GREB1L: variants seen among roughly 807,000 people sequenced by gnomAD.
GREB1L encodes the protein GREB1 like retinoic acid receptor coactivator, also known as GREB1-like protein.
In GREB1L, 17 loss-of-function variants were observed where a neutral mutation model predicts 200.8. That is an observed-to-expected ratio of 0.08 (90% CI 0.06 to 0.13). GREB1L has a LOEUF of 0.13. GREB1L is among the 10% of genes least tolerant of loss of function. The pLI is 1.00. For synonymous variants in GREB1L, 789 were observed against 893.0 expected (o/e 0.88, Z 2.08); for missense variants, 1,657 against 2,367.7 (o/e 0.70, Z 6.23).
Position 21,483,161 on chromosome 18 carries a change from C to T in GREB1L, c.2557-2459C>T, listed in dbSNP as rs375864344. On this transcript the variant is annotated intron_variant, in intron 17 of 32. Coordinates refer to ENST00000424526, the MANE Select transcript of GREB1L (RefSeq NM_001142966.3). Reference sequence around the variant, plus strand: ...AAGAAGAAAGAGAGAGAAATAAAAACGAGGACAGGTGGATGCAAGGCGGAT... The same window carrying T: ...AAGAAGAAAGAGAGAGAAATAAAAATGAGGACAGGTGGATGCAAGGCGGAT... Among the ~76,000 whole-genome samples, 30 of 152,258 alleles carry T rather than the reference C, an allele frequency of 2.0e-4. No homozygotes were observed. In the Middle Eastern group the frequency reaches 0.024, roughly 121 times the overall value.
intron 1 of GREB1L, among the ~76,000 whole-genome samples, chr18:21,308,848 C>A (rs1449660961): frequency 1.3e-5 from 2 of 152,190 alleles, no homozygotes; most frequent in Non-Finnish European, 2.9e-5. Flanking sequence ...AAGCAGAAAT[C>A]ATCAGCTTGT....
intron 7 of GREB1L, among the ~76,000 whole-genome samples, chr18:21,408,450 T>G (rs2030546445): frequency 6.6e-6 from 1 of 152,150 alleles, no homozygotes; most frequent in Non-Finnish European, 1.5e-5. Flanking sequence ...AAATGGCTAA[T>G]AAGCACATGA....
intron 17 of GREB1L, among the ~76,000 whole-genome samples, chr18:21,483,957 C>T (rs1012197290): frequency 2.9e-5 from 4 of 137,382 alleles, no homozygotes; most frequent in Non-Finnish European, 6.0e-5. Context: ...GCCTGGGTGA[C>T]AGAGTGAGAC....
chr18:21,420,173 C>T (rs189779566), intron 7 of GREB1L, among the ~76,000 whole-genome samples: 1 of 152,162 alleles, frequency 6.6e-6, no homozygotes. Context: ...GAGTTTGACA[C>T]CAGCCTAGCC....
intron 1 of GREB1L, among the ~76,000 whole-genome samples, chr18:21,343,730 A>ATT (rs36120644): frequency 0.015 from 1,737 of 114,842 alleles, 44 homozygotes; most frequent in Non-Finnish European, 0.022. Flanking sequence ...GAGAAGAGAG[A>ATT]TTTTTTTTTT....
chr18:21,456,823 T>G (rs1406256050), intron 15 of GREB1L, among the ~76,000 whole-genome samples: 1 of 152,210 alleles, frequency 6.6e-6, no homozygotes, highest in Non-Finnish European at 1.5e-5. Flanking sequence ...TTCCTGCCCC[T>G]TCTCCAGTAT....
At position 21,508,266 on chromosome 18, in the gene GREB1L, T is replaced by C. The variant is rs1232358300; in HGVS notation, c.4517T>C (p.Leu1506Pro). 6.4e-7 allele frequency: 1 copy of C among 1,551,722 alleles called. No homozygotes were observed. Among genetic ancestry groups the C allele is most frequent in the Non-Finnish European group, 8.7e-7 (1 of 1,147,038 alleles). The change falls in exon 26 of 33, where the codon CTG becomes CCG. Residue 1506 changes from leucine (L) to proline (P), a missense_variant. This residue lies in a region of GREB1L where 151 missense variants were observed against 309.6 expected (regional missense o/e 0.49). Coordinates refer to ENST00000424526, the MANE Select transcript of GREB1L (RefSeq NM_001142966.3). ...GKHLESMRLP[L>P]VSDKNLNAVK... is the part of the protein sequence containing the mutation. Reference sequence around the variant, plus strand: ...CACCTGGAGAGCATGCGGCTGCCCCTGGTTTCAGACAAGGTGGGTGAGAGC... The same window carrying C: ...CACCTGGAGAGCATGCGGCTGCCCCCGGTTTCAGACAAGGTGGGTGAGAGC...
At chr18:21,242,663 C>T (rs1234070831) in intron 1 of GREB1L, among the ~76,000 whole-genome samples, 1 of 152,174 alleles carries the variant, frequency 6.6e-6, no homozygotes, top group Non-Finnish European at 1.5e-5. Context: ...CGAAGGGACC[C>T]GGCCGTGCTG....
intron 1 of GREB1L, among the ~76,000 whole-genome samples, chr18:21,277,121 G>A (rs2144370563): frequency 6.6e-6 from 1 of 152,066 alleles, no homozygotes; most frequent in Non-Finnish European, 1.5e-5. Context: ...GTAGAGACGG[G>A]GTTTCATCGT....
chr18:21,517,602 T>C (rs1396900652), intron 30 of GREB1L, among the ~76,000 whole-genome samples: 1 of 152,216 alleles, frequency 6.6e-6, no homozygotes, highest in African/African-American at 2.4e-5. Context: ...AAAACCTGTA[T>C]TACTACCCTT....
At chr18:21,398,663 G>A (rs1216918268) in intron 5 of GREB1L, among the ~76,000 whole-genome samples, 1 of 152,018 alleles carries the variant, frequency 6.6e-6, no homozygotes, top group Non-Finnish European at 1.5e-5. Context: ...AAAATATAGT[G>A]GAAAAATGTT....
chr18:21,406,812 A>G (rs1388669518), intron 7 of GREB1L, among the ~76,000 whole-genome samples: 1 of 149,962 alleles, frequency 6.7e-6, no homozygotes, highest in Non-Finnish European at 1.5e-5. Flanking sequence ...GCTAAGCTAT[A>G]TATATTCTGT....
intron 15 of GREB1L, 131 bp downstream of exon 15, chr18:21,454,694 CT>C: frequency 2.6e-6 from 2 of 757,388 alleles, no homozygotes; most frequent in Non-Finnish European, 4.5e-6. Flanking sequence ...CATAAAAGCA[CT>C]TTGTTATTTT....
chr18:21,355,283 T>A (rs574085925), intron 1 of GREB1L, among the ~76,000 whole-genome samples: 1 of 150,964 alleles, frequency 6.6e-6, no homozygotes, highest in South Asian at 2.1e-4. Flanking sequence ...AACCTCCACC[T>A]CCCAAGTTCA....
intron 7 of GREB1L, among the ~76,000 whole-genome samples, chr18:21,412,585 G>A (rs1400830790): frequency 6.6e-6 from 1 of 152,092 alleles, no homozygotes; most frequent in African/African-American, 2.4e-5. Flanking sequence ...ATTAAAGAAA[G>A]GGCAAAACTA....
At chr18:21,393,808 C>T (rs1040979644) in intron 4 of GREB1L, among the ~76,000 whole-genome samples, 1 of 152,126 alleles carries the variant, frequency 6.6e-6, no homozygotes, top group African/African-American at 2.4e-5. Context: ...GTGATCCACC[C>T]ACCTCGGCCT....
At chr18:21,515,225 G>A (rs1450938953) in intron 28 of GREB1L, among the ~76,000 whole-genome samples, 192 bp from the exon 29 acceptor site, 1 of 152,078 alleles carries the variant, frequency 6.6e-6, no homozygotes, top group Non-Finnish European at 1.5e-5. Flanking sequence ...ACCCCAAAAG[G>A]CAGTTTCTTT....
chr18:21,416,488 C>T (rs1222915921), intron 7 of GREB1L, among the ~76,000 whole-genome samples: 4 of 152,026 alleles, frequency 2.6e-5, no homozygotes, highest in African/African-American at 9.7e-5. Flanking sequence ...GTCAGGAGAT[C>T]GAGACCATCC....
chr18:21,277,880 T>C (rs1198329693), intron 1 of GREB1L, among the ~76,000 whole-genome samples: 3 of 152,276 alleles, frequency 2.0e-5, no homozygotes, highest in Admixed American at 1.3e-4. Flanking sequence ...GTCCGGTACA[T>C]TGAGTCTGCT....
Sources: gnomAD v4.1 joint callset for allele counts (sites outside exome capture counted in the v4.1 genomes callset) on GRCh38, gnomAD v4.1.1 for gene constraint, gnomAD v4.1.1 regional missense constraint, MANE v1.5 for transcripts, NCBI Gene and HGNC (gene_info 2026-07-23, HGNC 2026-07-21) for gene names.